Variants in TEKT3 observed in about 807,000 individuals in gnomAD.
The protein encoded by TEKT3 is tektin-3.
A neutral mutation model predicts 49.8 loss-of-function variants in TEKT3; 49 were observed. The observed-to-expected ratio is 0.98, with a 90% CI of 0.78 to 1.25. The LOEUF (loss-of-function observed/expected upper bound fraction) is 1.25, where lower values mean the gene tolerates loss of function less well. Ranked by LOEUF, TEKT3 falls within the 50% of genes most tolerant of loss-of-function variation. The pLI is 0.00. For missense variants in TEKT3, 595 were observed against 629.5 expected (o/e 0.95, Z 0.59); for synonymous variants, 225 against 237.2 (o/e 0.95, Z 0.47).
In TEKT3 at chr17:15,308,811, T is replaced by C. The variant is rs1597656791; in HGVS notation, c.1109A>G (p.Gln370Arg). 1.2e-6 allele frequency: 2 copies of C among 1,613,800 alleles called. 1 individual carries two copies. The highest frequency in any genetic ancestry group is 1.7e-6 in the Non-Finnish European group (2 of 1,179,770). ...KIQTHLAKTL[Q>R]EIFQTEMTIE... ...GGTCATTTCAGTCTGGAAAATCTCC[T>C]GCAGGGTCTGTGACAAAGAGAAGCA... The change falls in exon 8 of 9, where the codon CAG (glutamine) becomes CGG (arginine). Residue 370 changes from glutamine to arginine, a missense_variant. Coordinates refer to ENST00000395930, the MANE Select transcript of TEKT3 (RefSeq NM_031898.3).
chr17:15,336,380 A>G (rs779836824), intron 2 of TEKT3, among the ~76,000 whole-genome samples: 20 of 152,326 alleles, frequency 1.3e-4, no homozygotes, highest in South Asian at 2.1e-4. Flanking sequence ...CCTTCAAAAA[A>G]TGAAGGTGAA....
At chr17:15,334,941 G>A (rs1467383340) in intron 2 of TEKT3, among the ~76,000 whole-genome samples, 1 of 152,160 alleles carries the variant, frequency 6.6e-6, no homozygotes, top group African/African-American at 2.4e-5. Context: ...AACCATGACA[G>A]AATAATAAAA....
intron 3 of TEKT3, among the ~76,000 whole-genome samples, chr17:15,328,806 T>G (rs1276509456): frequency 1.3e-5 from 2 of 152,188 alleles, no homozygotes; most frequent in African/African-American, 4.8e-5. Flanking sequence ...CAATAAATTA[T>G]GTATGAAAGA....
intron 2 of TEKT3, among the ~76,000 whole-genome samples, chr17:15,334,523 A>G (rs777451521): frequency 1.3e-5 from 2 of 152,230 alleles, no homozygotes; most frequent in African/African-American, 2.4e-5. Flanking sequence ...TCCAGGGGTG[A>G]TATCTGAAGA....
In TEKT3 at chr17:15,312,293, T is replaced by C; in HGVS notation, c.1067A>G (p.Asp356Gly). The C allele has an allele frequency of 1.2e-6, 2 of 1,614,242 alleles. No homozygotes were observed. Among genetic ancestry groups the C allele is most frequent in the Non-Finnish European group, 1.7e-6 (2 of 1,180,040 alleles). The change falls in exon 7 of 9, where the codon GAT (aspartate) becomes GGT (glycine). Residue 356 changes from aspartate to glycine, a missense_variant. Coordinates refer to ENST00000395930, the MANE Select transcript of TEKT3 (RefSeq NM_031898.3). The part of the protein sequence containing the change: ...SFTNRIAETA[D>G]AKNKIQTHLA... ...GTGCGTCTGAATCTTATTCTTAGCA[T>C]CTGCAGTCTCAGCAATGCGATTGGT...
intron 5 of TEKT3, 143 bp downstream of exon 5, chr17:15,318,934 T>C (rs1435659679): frequency 3.4e-6 from 2 of 590,570 alleles, no homozygotes; most frequent in Non-Finnish European, 5.7e-6. Context: ...GGGTATCAAG[T>C]AATCATCTTA....
intron 2 of TEKT3, among the ~76,000 whole-genome samples, chr17:15,336,829 G>T (rs1911999574): frequency 6.6e-6 from 1 of 152,128 alleles, no homozygotes; most frequent in South Asian, 2.1e-4. Flanking sequence ...AAGGACCCAT[G>T]GGTATGCCTA....
intron 2 of TEKT3, among the ~76,000 whole-genome samples, chr17:15,332,942 T>A (rs1911828001): frequency 6.6e-6 from 1 of 152,158 alleles, no homozygotes. Context: ...CCTCTACCTA[T>A]ATACCATCTA....
At chr17:15,324,273 C>T (rs970035969) in intron 4 of TEKT3, among the ~76,000 whole-genome samples, 2 of 152,168 alleles carry the variant, frequency 1.3e-5, no homozygotes, top group Admixed American at 1.3e-4. Context: ...CAGATAAGCA[C>T]ATCATTCCTT....
chr17:15,326,892 G>A (rs1211849361), intron 4 of TEKT3, among the ~76,000 whole-genome samples: 1 of 152,150 alleles, frequency 6.6e-6, no homozygotes, highest in Admixed American at 6.5e-5. Flanking sequence ...GTGGAAGGTG[G>A]AAGAGAGATT....
chr17:15,326,026 T>C (rs1043077751), intron 4 of TEKT3, among the ~76,000 whole-genome samples: 1 of 152,178 alleles, frequency 6.6e-6, no homozygotes, highest in Non-Finnish European at 1.5e-5. Flanking sequence ...AAAGCTTTCC[T>C]GAGTATATTA....
At chr17:15,331,759 C>T in intron 2 of TEKT3, 145 bp from the exon 3 acceptor site, 2 of 617,248 alleles carry the variant, frequency 3.2e-6, no homozygotes, top group Non-Finnish European at 5.4e-6. Flanking sequence ...TATCCACATT[C>T]ACCATTGATA....
intron 8 of TEKT3, among the ~76,000 whole-genome samples, chr17:15,306,234 T>A (rs886708034): frequency 6.6e-6 from 1 of 152,010 alleles, no homozygotes; most frequent in Non-Finnish European, 1.5e-5. Flanking sequence ...AAATAACTCG[T>A]TTAGAACATT....
intron 7 of TEKT3, among the ~76,000 whole-genome samples, chr17:15,309,705 A>G (rs2150733841): frequency 6.6e-6 from 1 of 152,138 alleles, no homozygotes; most frequent in East Asian, 1.9e-4. Flanking sequence ...AAATGTATTC[A>G]ACCATGGCTG....
intron 7 of TEKT3, 62 bp from the exon 8 acceptor site, chr17:15,308,880 C>T (rs1441275375): frequency 1.3e-6 from 2 of 1,579,604 alleles, no homozygotes; most frequent in East Asian, 4.5e-5. Context: ...ACCCGCCTCC[C>T]ACCTCTTGCC....
chr17:15,308,973 G>T, intron 7 of TEKT3, 155 bp from the exon 8 acceptor site: 1 of 897,218 alleles, frequency 1.1e-6, no homozygotes, highest in Non-Finnish European at 1.7e-6. Flanking sequence ...TTCCAGCCCT[G>T]CCCCAGGGAA....
At chr17:15,317,977 CTTTTTTTTTTTTTCT>C (rs1911078777) in intron 5 of TEKT3, among the ~76,000 whole-genome samples, 1 of 137,532 alleles carries the variant, frequency 7.3e-6, no homozygotes, top group South Asian at 2.3e-4. Flanking sequence ...GGTCGGATCT[CTTTTTTTTTTTTTCT>C]TTTTTTTTTT....
chr17:15,309,339 G>T (rs538329583), intron 7 of TEKT3, among the ~76,000 whole-genome samples: 1 of 152,144 alleles, frequency 6.6e-6, no homozygotes, highest in Non-Finnish European at 1.5e-5. Context: ...AGAGAATCAG[G>T]CTTCAGTTTC....
At chr17:15,332,325 G>A (rs907753909) in intron 2 of TEKT3, among the ~76,000 whole-genome samples, 1 of 152,158 alleles carries the variant, frequency 6.6e-6, no homozygotes, top group African/African-American at 2.4e-5. Context: ...GACAGCACAG[G>A]ACTCTGAGCC....
Sources: gnomAD v4.1 joint callset for allele counts (sites outside exome capture counted in the v4.1 genomes callset) on GRCh38, gnomAD v4.1.1 for gene constraint, MANE v1.5 for transcripts, NCBI Gene and HGNC (gene_info 2026-07-23, HGNC 2026-07-21) for gene names.